Variants in PIK3C2A observed in about 807,000 individuals in gnomAD.
The protein encoded by PIK3C2A is phosphatidylinositol-4-phosphate 3-kinase catalytic subunit type 2 alpha.
Under a neutral mutation model 204.5 loss-of-function variants are expected in PIK3C2A, and 97 were observed. The ratio of observed to expected loss-of-function variants is 0.47; its 90% CI spans 0.40 to 0.56. PIK3C2A has a LOEUF of 0.56. Ranked by LOEUF, PIK3C2A falls within the 20% of genes least tolerant of loss-of-function variation. The probability of loss-of-function intolerance (pLI) is 0.00; values close to 1 mark genes in which losing one functional copy is unlikely to be tolerated. For synonymous variants in PIK3C2A, 653 were observed against 664.4 expected (o/e 0.98, Z 0.26); for missense variants, 1,735 against 1,969.2 (o/e 0.88, Z 2.25).
chr11:17,131,419 A>ATT (rs68020564), intron 12 of PIK3C2A, among the ~76,000 whole-genome samples: 4 of 79,474 alleles, frequency 5.0e-5, no homozygotes, highest in African/African-American at 1.7e-4. Flanking sequence ...AGGGTATTTC[A>ATT]TTTTTTTTTT....
Position 17,089,725 on chromosome 11 carries a change from A to G in PIK3C2A, c.*13T>C, listed in dbSNP as rs10832733. ...TAACTGTTCATGCTTCCAAAGCTCA[A>G]ACATTCACTAGTTTACAAGTATGTT... is the stretch of plus-strand genomic sequence containing the variant. On this transcript the variant is annotated 3_prime_UTR_variant, in exon 33 of 33. Coordinates refer to ENST00000691414, the MANE Select transcript of PIK3C2A (RefSeq NM_002645.4). The G allele has an allele frequency of 0.55, 868,035 of 1,585,344 alleles. 241,812 individuals are homozygous for G. Among genetic ancestry groups the G allele is most frequent in the East Asian group, 0.82 (36,659 of 44,652 alleles).
intron 1 of PIK3C2A, among the ~76,000 whole-genome samples, chr11:17,195,459 C>T (rs546823988): frequency 2.6e-5 from 4 of 152,042 alleles, no homozygotes; most frequent in South Asian, 4.2e-4. Flanking sequence ...GTGGCTCATG[C>T]CAGCAAACCC....
intron 24 of PIK3C2A, among the ~76,000 whole-genome samples, chr11:17,102,437 A>C (rs1848668681): frequency 6.6e-6 from 1 of 152,224 alleles, no homozygotes; most frequent in Admixed American, 6.5e-5. Context: ...ACTCCGTCTC[A>C]AAAAAATACC....
chr11:17,193,031 G>C (rs541957259), intron 1 of PIK3C2A, among the ~76,000 whole-genome samples: 34 of 152,276 alleles, frequency 2.2e-4, no homozygotes, highest in Admixed American at 1.6e-3. Flanking sequence ...ATAACTGTAG[G>C]AATGGGCTCC....
chr11:17,192,388 T>A (rs538140165), intron 1 of PIK3C2A, among the ~76,000 whole-genome samples: 1 of 152,326 alleles, frequency 6.6e-6, no homozygotes, highest in South Asian at 2.1e-4. Flanking sequence ...ACAACTCTTT[T>A]AACATATGAA....
At chr11:17,099,640 A>G (rs940711410) in intron 26 of PIK3C2A, among the ~76,000 whole-genome samples, 3 of 145,818 alleles carry the variant, frequency 2.1e-5, no homozygotes, top group African/African-American at 7.3e-5. Context: ...AAACCTTGAG[A>G]TATTTTGAGG....
intron 1 of PIK3C2A, among the ~76,000 whole-genome samples, chr11:17,184,986 C>T (rs1851705476): frequency 6.6e-6 from 1 of 151,630 alleles, no homozygotes; most frequent in Admixed American, 6.6e-5. Flanking sequence ...TATATTTTTA[C>T]AAATTTAGCA....
chr11:17,130,835 A>C (rs1368646547), intron 12 of PIK3C2A, among the ~76,000 whole-genome samples: 6 of 152,010 alleles, frequency 3.9e-5, no homozygotes, highest in Admixed American at 3.3e-4. Context: ...AAAAAGAAAA[A>C]ACACTATTTA....
intron 1 of PIK3C2A, among the ~76,000 whole-genome samples, chr11:17,197,925 G>A (rs1050243613): frequency 2.6e-5 from 4 of 151,988 alleles, no homozygotes; most frequent in Non-Finnish European, 4.4e-5. Context: ...AAAAAATAAC[G>A]AAAAACTGAC....
At chr11:17,114,879 T>C (rs551075468) in intron 19 of PIK3C2A, among the ~76,000 whole-genome samples, 5 of 152,194 alleles carry the variant, frequency 3.3e-5, no homozygotes, top group Admixed American at 1.3e-4. Flanking sequence ...TAAAAATACA[T>C]GTCGCTCTTG....
chr11:17,136,408 T>C, intron 9 of PIK3C2A, 74 bp downstream of exon 9: 5 of 1,139,008 alleles, frequency 4.4e-6, no homozygotes, highest in South Asian at 2.7e-5. Context: ...ATATTTTGTC[T>C]AGGATAAGGC....
chr11:17,110,393 G>GA (rs754242448), intron 22 of PIK3C2A, 39 bp downstream of exon 22: 7 of 1,551,608 alleles, frequency 4.5e-6, no homozygotes, highest in African/African-American at 1.4e-5. Context: ...TAAGTTCAAG[G>GA]AAAAAAATAA....
intron 1 of PIK3C2A, among the ~76,000 whole-genome samples, chr11:17,180,493 G>T (rs972580838): frequency 6.8e-6 from 1 of 147,422 alleles, no homozygotes; most frequent in African/African-American, 2.5e-5. Flanking sequence ...AGAACTACTA[G>T]AAAACAAAAC....
At chr11:17,153,197 C>T (rs866683401) in intron 3 of PIK3C2A, among the ~76,000 whole-genome samples, 5 of 151,914 alleles carry the variant, frequency 3.3e-5, no homozygotes, top group Admixed American at 2.0e-4. Context: ...TTTGGGAGGC[C>T]GAGGTGGGCA....
intron 28 of PIK3C2A, among the ~76,000 whole-genome samples, chr11:17,092,598 G>C (rs1848341223): frequency 6.6e-6 from 1 of 152,116 alleles, no homozygotes; most frequent in Non-Finnish European, 1.5e-5. Context: ...CTTGAACCTG[G>C]GAAGCGGAAG....
At chr11:17,091,946 C>T (rs1177944221) in intron 30 of PIK3C2A, 50 bp downstream of exon 30, 2 of 1,124,216 alleles carry the variant, frequency 1.8e-6, no homozygotes, top group Non-Finnish European at 2.7e-6. Flanking sequence ...CGAGAAGTTA[C>T]AGACTTGCAG....
chr11:17,203,972 G>A (rs1355914450), intron 1 of PIK3C2A, among the ~76,000 whole-genome samples: 1 of 152,164 alleles, frequency 6.6e-6, no homozygotes, highest in African/African-American at 2.4e-5. Flanking sequence ...TACTCGGGAG[G>A]CTGAGGCAGG....
At chr11:17,196,046 A>AAAAAG (rs926394514) in intron 1 of PIK3C2A, among the ~76,000 whole-genome samples, 8 of 152,286 alleles carry the variant, frequency 5.3e-5, no homozygotes, top group African/African-American at 1.9e-4. Flanking sequence ...CTCGAAAGAA[A>AAAAAG]AAAAGAAAAG....
chr11:17,176,736 T>C (rs529616179), intron 1 of PIK3C2A, among the ~76,000 whole-genome samples: 2 of 152,184 alleles, frequency 1.3e-5, no homozygotes, highest in African/African-American at 2.4e-5. Context: ...GAGTGAGCTA[T>C]GATTGTGTCA....
Sources: allele counts gnomAD v4.1 joint callset (sites outside exome capture counted in the v4.1 genomes callset), GRCh38; gene constraint gnomAD v4.1.1; transcripts MANE v1.5; gene names NCBI Gene and HGNC (gene_info 2026-07-23, HGNC 2026-07-21).